Variants in KDM3B observed in about 807,000 individuals in gnomAD.
KDM3B encodes the protein lysine demethylase 3B.
In KDM3B, 10 loss-of-function variants were observed where a neutral mutation model predicts 170.0. The ratio of observed to expected loss-of-function variants is 0.06; its 90% confidence interval spans 0.04 to 0.10. The LOEUF is 0.10. Ranked by LOEUF, KDM3B falls within the 10% of genes least tolerant of loss-of-function variation. The probability of loss-of-function intolerance (pLI) is 1.00; values close to 1 mark genes in which losing one functional copy is unlikely to be tolerated. For missense variants in KDM3B, 1,394 were observed against 2,195.2 expected (o/e 0.64, Z 7.29); for synonymous variants, 831 against 834.8 (o/e 1.00, Z 0.08).
chr5:138,399,885 G>C lies in KDM3B; in HGVS notation c.3072G>C (p.Val1024=). 5 of 1,614,088 alleles carry C rather than the reference G, an allele frequency of 3.1e-6. No individual in the cohort carries two copies. The highest frequency in any genetic ancestry group is 2.2e-5 in the East Asian group (1 of 44,886). Residue 1024 remains valine (V), a synonymous_variant, in exon 11 of 24, where the codon GTG becomes GTC. Transcript: ENST00000314358. ...AGAAAGTGGCATGGAAGCGAGCTGTGCGTGGTGTACGGGAGATGTGTGATG... is the reference window on the plus strand; with the variant it reads ...AGAAAGTGGCATGGAAGCGAGCTGTCCGTGGTGTACGGGAGATGTGTGATG... ...PHQKVAWKRA[V]RGVREMCDVC...
chr5:138,395,555 C>G (rs1050518257), intron 9 of KDM3B, among the ~76,000 whole-genome samples: 3 of 152,134 alleles, frequency 2.0e-5, no homozygotes, highest in Non-Finnish European at 4.4e-5. Flanking sequence ...TTGAGGCCAG[C>G]AGTTTGAGAC....
At chr5:138,425,607 A>C (rs1353730854) in intron 17 of KDM3B, 25 bp downstream of exon 17, 1 of 1,597,588 alleles carries the variant, frequency 6.3e-7, no homozygotes, top group East Asian at 2.2e-5. Flanking sequence ...TATCTAGTTC[A>C]GTGATAGCAG....
chr5:138,417,089 G>A (rs1763124981), intron 12 of KDM3B, among the ~76,000 whole-genome samples: 1 of 152,226 alleles, frequency 6.6e-6, no homozygotes, highest in Non-Finnish European at 1.5e-5. Context: ...CCCACGTGCT[G>A]GGATTAGAGG....
chr5:138,413,711 G>C (rs1007055325), intron 11 of KDM3B, among the ~76,000 whole-genome samples: 3 of 151,922 alleles, frequency 2.0e-5, no homozygotes, highest in Non-Finnish European at 4.4e-5. Context: ...TCTGCTCACT[G>C]CAGCCTCCGC....
intron 6 of KDM3B, among the ~76,000 whole-genome samples, chr5:138,383,777 T>C (rs1323442740): frequency 1.3e-5 from 2 of 151,820 alleles, no homozygotes; most frequent in Non-Finnish European, 2.9e-5. Context: ...GATGAAACCC[T>C]GTCTCTACTA....
intron 15 of KDM3B, among the ~76,000 whole-genome samples, chr5:138,421,596 C>T (rs886555427): frequency 1.3e-5 from 2 of 152,146 alleles, no homozygotes; most frequent in Non-Finnish European, 2.9e-5. Context: ...TTACAGGTCC[C>T]CTTGTTTCTG....
At chr5:138,390,619 T>C (rs1258306737) in intron 7 of KDM3B, among the ~76,000 whole-genome samples, 3 of 152,196 alleles carry the variant, frequency 2.0e-5, no homozygotes, top group Non-Finnish European at 4.4e-5. Flanking sequence ...TATATTAATA[T>C]TACAGGGGTC....
At chr5:138,418,469 G>A (rs188038144) in intron 13 of KDM3B, among the ~76,000 whole-genome samples, 1 of 152,224 alleles carries the variant, frequency 6.6e-6, no homozygotes, top group African/African-American at 2.4e-5. Flanking sequence ...ATGATAAGAG[G>A]CACAGGGATT....
chr5:138,380,448 C>G (rs535462795), intron 5 of KDM3B, among the ~76,000 whole-genome samples: 162 of 151,214 alleles, frequency 1.1e-3, no homozygotes, highest in Middle Eastern at 6.8e-3. Context: ...ACCTTTTTTA[C>G]TTAATTGTAT....
intron 1 of KDM3B, among the ~76,000 whole-genome samples, chr5:138,355,625 T>A (rs1199022263): frequency 2.0e-5 from 3 of 152,358 alleles, no homozygotes; most frequent in African/African-American, 7.2e-5. Flanking sequence ...ATGGGCCTTT[T>A]ATTTTTTTAG....
In KDM3B at chr5:138,419,107, C is replaced by T. The variant is rs777239432; in HGVS notation, c.3590C>T (p.Ser1197Leu). The change falls in exon 14 of 24, where the codon TCG becomes TTG. Residue 1197 changes from serine to leucine, a missense_variant. Around this residue, in one of 19 missense-constraint regions of KDM3B, gnomAD observed 87 missense variants for 83.3 expected, o/e 1.04. Transcript: ENST00000314358. ...RSEEPLKTDS[S>L]ASNSNSELKA... The stretch of plus-strand genomic sequence containing the variant: ...GAAGAGCCTCTGAAAACAGACAGTT[C>T]GGCATCAAATAGCAATAGTGAACTG... 17 of 1,614,078 alleles carry T rather than the reference C, an allele frequency of 1.1e-5. No homozygotes were observed. Among genetic ancestry groups the T allele is most frequent in the Non-Finnish European group, 1.4e-5 (16 of 1,180,058 alleles).
chr5:138,429,279 C>G (rs1374805788), intron 20 of KDM3B, among the ~76,000 whole-genome samples: 1 of 151,624 alleles, frequency 6.6e-6, no homozygotes, highest in Non-Finnish European at 1.5e-5. Context: ...CTCGAACTCC[C>G]AATCTCAGGT....
At chr5:138,433,458 G>A (rs1291292668) in intron 23 of KDM3B, among the ~76,000 whole-genome samples, 1 of 143,292 alleles carries the variant, frequency 7.0e-6, no homozygotes, top group Non-Finnish European at 1.5e-5. Flanking sequence ...CCAAATGAAA[G>A]TGCAATGGTG....
intron 1 of KDM3B, 149 bp from the exon 2 acceptor site, chr5:138,372,525 G>A: frequency 1.6e-6 from 1 of 641,438 alleles, no homozygotes; most frequent in South Asian, 2.3e-5. Context: ...CTGAAGATCA[G>A]CTATTATTGA....
intron 1 of KDM3B, among the ~76,000 whole-genome samples, chr5:138,367,785 C>T (rs1044744021): frequency 3.3e-5 from 5 of 152,044 alleles, no homozygotes; most frequent in African/African-American, 1.2e-4. Flanking sequence ...GAGGCCGAGG[C>T]AGGTGGATCA....
At chr5:138,382,284 C>T (rs1335595116) in intron 6 of KDM3B, among the ~76,000 whole-genome samples, 2 of 149,402 alleles carry the variant, frequency 1.3e-5, no homozygotes, top group Non-Finnish European at 3.0e-5. Flanking sequence ...GCTGTCTCTA[C>T]AAAAATACAA....
chr5:138,369,336 C>T (rs539135404), intron 1 of KDM3B, among the ~76,000 whole-genome samples: 8 of 152,220 alleles, frequency 5.3e-5, no homozygotes, highest in African/African-American at 1.4e-4. Flanking sequence ...TTAATTCTCC[C>T]GTACTCCTAC....
chr5:138,400,136 A>G (rs1561779240), intron 11 of KDM3B, 124 bp downstream of exon 11: 1 of 902,444 alleles, frequency 1.1e-6, no homozygotes, highest in Non-Finnish European at 1.7e-6. Context: ...GCTTCATTCA[A>G]CTTTGTTGTA....
chr5:138,393,259 T>C lies in KDM3B; in HGVS notation c.2718T>C (p.Asn906=). 2 of 1,614,186 alleles carry C rather than the reference T, an allele frequency of 1.2e-6. No individual in the cohort carries two copies. Among genetic ancestry groups the C allele is most frequent in the Non-Finnish European group, 8.5e-7 (1 of 1,180,022 alleles). The part of the protein sequence containing the change: ...EPFLQDGSCI[N]VAPHLHKCRE... The stretch of plus-strand genomic sequence containing the variant: ...TCCTGCAGGATGGGTCATGCATCAA[T>C]GTGGCACCTCATCTGCACAAGTGTC... Residue 906 remains asparagine (N), a synonymous_variant, in exon 9 of 24, where the codon AAT becomes AAC. Transcript: ENST00000314358.
Sources: gnomAD v4.1 joint callset for allele counts (sites outside exome capture counted in the v4.1 genomes callset) on GRCh38, gnomAD v4.1.1 for gene constraint, gnomAD v4.1.1 regional missense constraint, MANE v1.5 for transcripts, NCBI Gene and HGNC (gene_info 2026-07-23, HGNC 2026-07-21) for gene names.